NNT: variants seen among roughly 807,000 people sequenced by gnomAD.
The protein encoded by NNT is nicotinamide nucleotide transhydrogenase.
In NNT, 50 loss-of-function variants were observed where a neutral mutation model predicts 104.8. The ratio of observed to expected loss-of-function variants is 0.48; its 90% CI spans 0.38 to 0.60. The LOEUF (loss-of-function observed/expected upper bound fraction) is 0.60, where lower values mean the gene tolerates loss of function less well. NNT is among the 20% of genes least tolerant of loss of function. NNT has a pLI of 0.00. For missense variants in NNT, 1,131 were observed against 1,330.7 expected (o/e 0.85, Z 2.33); for synonymous variants, 461 against 490.4 (o/e 0.94, Z 0.79).
intron 16 of NNT, 22 bp from the exon 17 acceptor site, chr5:43,659,149 T>C: frequency 6.5e-7 from 1 of 1,531,968 alleles, no homozygotes. Flanking sequence ...AATTTTGAGT[T>C]CTGATTTGAT....
rs533120175 is a variant in NNT at position 43,614,564 on chromosome 5, T to C, written c.382-1284T>C. Reference sequence around the variant, plus strand: ...AATTAAAGTCCAGAACCTAGAAACATATGCATCACCAGATCAACAACTGAA... The same window carrying C: ...AATTAAAGTCCAGAACCTAGAAACACATGCATCACCAGATCAACAACTGAA... On this transcript the variant is annotated intron_variant, in intron 3 of 21. Transcript: ENST00000344920. 3.3e-5 allele frequency among the ~76,000 whole-genome samples: 5 copies of C among 152,286 alleles called. No individual in the cohort carries two copies. In the East Asian group the frequency reaches 7.7e-4, roughly 24 times the overall value.
chr5:43,631,177 G>A (rs1201276572), intron 7 of NNT, among the ~76,000 whole-genome samples: 1 of 152,174 alleles, frequency 6.6e-6, no homozygotes, highest in African/African-American at 2.4e-5. Context: ...AGTCTGATAT[G>A]GGGGTTTCGG....
intron 4 of NNT, among the ~76,000 whole-genome samples, chr5:43,617,862 T>C (rs1433044221): frequency 6.6e-6 from 1 of 152,238 alleles, no homozygotes; most frequent in Non-Finnish European, 1.5e-5. Flanking sequence ...CTCTAAAGTA[T>C]TGTTTTTTGC....
rs759043081 is a variant in NNT, at chr5:43,659,162, T to C, written c.2455-9T>C. The C allele has an allele frequency of 7.1e-6, 11 of 1,544,586 alleles. No homozygotes were observed. In the Admixed American group the frequency reaches 1.8e-4, roughly 26 times the overall value. ...TTAATTTTGAGTTCTGATTTGATTG[T>C]TGTTCTAGGGTGTGACTTTGACAGC... On this transcript the variant is annotated splice_polypyrimidine_tract_variant and intron_variant, in intron 16 of 21. Transcript: ENST00000344920.
At chr5:43,700,273 C>G (rs1024142500) in intron 20 of NNT, 36 bp downstream of exon 20, 9 of 1,460,096 alleles carry the variant, frequency 6.2e-6, no homozygotes, top group Admixed American at 5.1e-5. Flanking sequence ...TTTAAATATT[C>G]TTACTATGAA....
chr5:43,655,694 A>G (rs1187200359), intron 14 of NNT, 146 bp from the exon 15 acceptor site: 3 of 635,474 alleles, frequency 4.7e-6, no homozygotes, highest in Non-Finnish European at 8.3e-6. Flanking sequence ...CCTTCTGTAC[A>G]GCCCCTGTAG....
At chr5:43,701,701 G>A (rs577737802) in intron 20 of NNT, among the ~76,000 whole-genome samples, 1 of 152,256 alleles carries the variant, frequency 6.6e-6, no homozygotes, top group Admixed American at 6.5e-5. Context: ...CAAACAGCGT[G>A]TAAATGTTCC....
intron 21 of NNT, 98 bp from the exon 22 acceptor site, chr5:43,704,157 T>G (rs1318960378): frequency 9.8e-7 from 1 of 1,018,238 alleles, no homozygotes; most frequent in Non-Finnish European, 1.4e-6. Flanking sequence ...TAGTGGTACA[T>G]GCCTTGTTCA....
intron 17 of NNT, among the ~76,000 whole-genome samples, chr5:43,672,520 G>T (rs941746062): frequency 6.6e-6 from 1 of 152,244 alleles, no homozygotes; most frequent in Non-Finnish European, 1.5e-5. Context: ...ACCCTCAGCT[G>T]CAGGTCTGTT....
At chr5:43,603,722 TG>T (rs1201976642) in intron 1 of NNT, among the ~76,000 whole-genome samples, 2 of 151,918 alleles carry the variant, frequency 1.3e-5, no homozygotes, top group Non-Finnish European at 2.9e-5. Context: ...GGACTTTCGA[TG>T]GGCGGTTCAT....
At position 43,644,272 on chromosome 5, in the gene NNT, G is replaced by A. The variant is rs1388425390; in HGVS notation, c.1045G>A (p.Glu349Lys). ...EGSVVVDLAA[E>K]AGGNFETTKP... The stretch of plus-strand genomic sequence containing the variant: ...TTCAGTTGTTGTGGATTTAGCTGCT[G>A]AGGCTGGTGGAAACTTTGAAACCAC... The change falls in exon 8 of 22, where the codon GAG becomes AAG. Residue 349 changes from glutamate to lysine, a missense_variant. By Grantham distance (56) the Glu-to-Lys change is moderately conservative. Transcript: ENST00000344920. The A allele has an allele frequency of 5.0e-6, 8 of 1,613,860 alleles. No individual in the cohort carries two copies. The highest frequency in any genetic ancestry group is 6.8e-6 in the Non-Finnish European group (8 of 1,179,948).
chr5:43,618,864 G>A (rs1749921934), intron 4 of NNT, among the ~76,000 whole-genome samples, 168 bp from the exon 5 acceptor site: 1 of 152,150 alleles, frequency 6.6e-6, no homozygotes, highest in South Asian at 2.1e-4. Context: ...AATTAAAGGA[G>A]CAAGTGTATA....
chr5:43,706,648 G>A lies in NNT; in HGVS notation c.*2244G>A, dbSNP rs1180734847. 1 of 152,140 alleles carries A rather than the reference G, an allele frequency of 6.6e-6. No individual in the cohort carries two copies. The allele number at this position is 152,140 out of a possible 1,614,324, so 9.4% of individuals were successfully genotyped here. ...ATATACCCAAAGGATTATAAATCAT[G>A]CTGCTATAAAGACACATGCACACGT... On this transcript the variant is annotated 3_prime_UTR_variant, in exon 22 of 22. Transcript: ENST00000344920.
In NNT at chr5:43,645,607, A is replaced by G. The variant is rs1739351323; in HGVS notation, c.1444+97A>G. 1.8e-5 allele frequency: 9 copies of G among 491,442 alleles called. 1 individual carries two copies. In the South Asian group the frequency reaches 6.7e-4, roughly 36 times the overall value. The allele number at this position is 491,442 out of a possible 1,614,324, so 30.4% of individuals were successfully genotyped here. On this transcript the variant is annotated intron_variant, in intron 10 of 21. Coordinates refer to ENST00000344920, the MANE Select transcript of NNT (RefSeq NM_182977.3). ...GATATATGTGTAGCTATATATACGT[A>G]TATATAGATATATATACACATATAT...
chr5:43,633,270 G>C (rs1288186348), intron 7 of NNT, among the ~76,000 whole-genome samples: 2 of 152,174 alleles, frequency 1.3e-5, no homozygotes, highest in African/African-American at 2.4e-5. Flanking sequence ...ATTCCTTGGA[G>C]GTATTTCTTG....
chr5:43,616,044 G>A lies in NNT; in HGVS notation c.578G>A (p.Ser193Asn), dbSNP rs867004061. Residue 193 changes from serine to asparagine, a missense_variant, in exon 4 of 22, where the codon AGC becomes AAC. By Grantham distance (46) the Ser-to-Asn change is conservative. Coordinates refer to ENST00000344920, the MANE Select transcript of NNT (RefSeq NM_182977.3). ...VTIAQGYDAL[S>N]SMANIAGYKA... is the part of the protein sequence containing the mutation. ...ATTGCTCAGGGATATGATGCGCTAA[G>A]CTCCATGGCCAACATTGCGGGGTAG... is the stretch of plus-strand genomic sequence containing the variant. 1 of 1,613,742 alleles carries A rather than the reference G, an allele frequency of 6.2e-7. No individual in the cohort carries two copies. The highest frequency in any genetic ancestry group is 1.7e-5 in the Admixed American group (1 of 59,966).
intron 7 of NNT, among the ~76,000 whole-genome samples, chr5:43,630,715 C>G (rs565480739): frequency 2.6e-5 from 4 of 152,200 alleles, no homozygotes; most frequent in Admixed American, 2.0e-4. Context: ...AGTGAAGAAA[C>G]TGTCCACCTT....
chr5:43,678,394 G>T (rs1336672986), intron 19 of NNT, among the ~76,000 whole-genome samples: 1 of 152,164 alleles, frequency 6.6e-6, no homozygotes, highest in Non-Finnish European at 1.5e-5. Flanking sequence ...CCATATTCTG[G>T]TCTTAGTCTT....
In NNT at chr5:43,700,188, G is replaced by A; in HGVS notation, c.2946G>A (p.Val982=). The A allele has an allele frequency of 1.2e-6, 2 of 1,613,756 alleles. No homozygotes were observed. The highest frequency in any genetic ancestry group is 1.7e-6 in the Non-Finnish European group (2 of 1,179,820). The part of the protein sequence containing the change: ...QLNVLLAEAG[V]PYDIVLEMDE... ...ATGTGCTGCTGGCTGAGGCTGGTGTGCCATATGACATTGTGTTGGAAATGG... is the reference window on the plus strand; with the variant it reads ...ATGTGCTGCTGGCTGAGGCTGGTGTACCATATGACATTGTGTTGGAAATGG... Residue 982 remains valine, a synonymous_variant, in exon 20 of 22, where the codon GTG becomes GTA. Coordinates refer to ENST00000344920, the MANE Select transcript of NNT (RefSeq NM_182977.3).
Sources: allele counts gnomAD v4.1 joint callset (sites outside exome capture counted in the v4.1 genomes callset), GRCh38; gene constraint gnomAD v4.1.1; transcripts MANE v1.5; gene names NCBI Gene and HGNC (gene_info 2026-07-23, HGNC 2026-07-21).